The following MACO1 variants were observed in gnomAD, a reference collection of about 807,000 sequenced individuals.
MACO1 encodes macoilin 1.
In MACO1, 14 loss-of-function variants were observed where a neutral mutation model predicts 78.7. The observed-to-expected ratio is 0.18, with a 90% CI of 0.12 to 0.28. MACO1 has a LOEUF of 0.28. Ranked by LOEUF, MACO1 falls within the 10% of genes least tolerant of loss-of-function variation. The pLI is 1.00. For synonymous variants in MACO1, 288 were observed against 291.6 expected, an observed-to-expected ratio of 0.99 and a Z score of 0.12; for missense variants, 501 against 799.0, an observed-to-expected ratio of 0.63 and a Z score of 4.50.
chr1:25,443,696 T>G (rs1202981832), intron 1 of MACO1, among the ~76,000 whole-genome samples: 1 of 152,226 alleles, frequency 6.6e-6, no homozygotes, highest in Non-Finnish European at 1.5e-5. Flanking sequence ...CTTTGGATAA[T>G]CCTATCTAAA....
At chr1:25,482,789 C>G (rs1334887124) in intron 6 of MACO1, among the ~76,000 whole-genome samples, 1 of 152,128 alleles carries the variant, frequency 6.6e-6, no homozygotes, top group African/African-American at 2.4e-5. Flanking sequence ...AGTTCTTCAT[C>G]TGTAAAAATG....
chr1:25,461,215 G>C (rs2043167945), intron 6 of MACO1, among the ~76,000 whole-genome samples: 1 of 112,748 alleles, frequency 8.9e-6, no homozygotes, highest in Non-Finnish European at 1.7e-5. Flanking sequence ...CTGTTGTGGG[G>C]TGGGGGGAGG....
At chr1:25,443,798 G>A (rs2042992011) in intron 1 of MACO1, among the ~76,000 whole-genome samples, 1 of 152,144 alleles carries the variant, frequency 6.6e-6, no homozygotes, top group Non-Finnish European at 1.5e-5. Flanking sequence ...GAAAGCAATT[G>A]GTGGTACTCT....
At chr1:25,483,092 C>A (rs1001816560) in intron 6 of MACO1, among the ~76,000 whole-genome samples, 2 of 152,128 alleles carry the variant, frequency 1.3e-5, no homozygotes, top group African/African-American at 4.8e-5. Flanking sequence ...CTCTTGTCAC[C>A]CAGGCTGGAG....
chr1:25,486,028 C>T (rs1299496506), intron 8 of MACO1, among the ~76,000 whole-genome samples: 2 of 152,154 alleles, frequency 1.3e-5, no homozygotes, highest in African/African-American at 4.8e-5. Flanking sequence ...AGGGAATCAC[C>T]ATGTTTCCCA....
Position 25,431,082 on chromosome 1 carries a change from G to GGCCCCCCA in MACO1, c.-14_-7dup, listed in dbSNP as rs762490649. 1.3e-6 allele frequency: 2 copies of GGCCCCCCA among 1,572,184 alleles called. No homozygotes were observed. Among genetic ancestry groups the GGCCCCCCA allele is most frequent in the South Asian group, 1.2e-5 (1 of 86,868 alleles). ...GACGGCGGCGGCGGCGCGGGCACCCGGCCCCCCAGCGGGAGGATGAAGCGG... is the reference window on the plus strand; with the variant it reads ...GACGGCGGCGGCGGCGCGGGCACCCGGCCCCCCAGCCCCCCAGCGGGAGGATGAAGCGG... On this transcript the variant is annotated 5_prime_UTR_variant, in exon 1 of 11. Coordinates refer to ENST00000374343, the MANE Select transcript of MACO1 (RefSeq NM_018202.6).
chr1:25,498,271 C>G lies in MACO1; in HGVS notation c.1800C>G (p.Ile600Met), dbSNP rs1302545034. The G allele has an allele frequency of 1.2e-6, 2 of 1,614,018 alleles. No individual in the cohort carries two copies. The highest frequency in any genetic ancestry group is 2.7e-5 in the African/African-American group (2 of 74,926). Residue 600 changes from isoleucine (I) to methionine (M), a missense_variant, in exon 11 of 11, where the codon ATC becomes ATG. Physicochemically the swap from Ile to Met is conservative, Grantham distance 10. Transcript: ENST00000374343. ...KRQLEIAQGQ[I>M]LQKDQEIKDL... ...GGGTCTTTGATCTTACAGGACAAAT[C>G]CTTCAGAAAGATCAGGAAATCAAGG...
chr1:25,492,809 G>A (rs1366743543), intron 10 of MACO1, among the ~76,000 whole-genome samples: 1 of 152,130 alleles, frequency 6.6e-6, no homozygotes, highest in Non-Finnish European at 1.5e-5. Context: ...GTACTCTATA[G>A]AGTACTAAAT....
At chr1:25,434,489 G>A (rs1279147295) in intron 1 of MACO1, among the ~76,000 whole-genome samples, 2 of 152,306 alleles carry the variant, frequency 1.3e-5, no homozygotes, top group South Asian at 4.1e-4. Context: ...CTAGTAGGCC[G>A]TAGTAATACC....
intron 6 of MACO1, 32 bp from the exon 7 acceptor site, chr1:25,484,084 A>G (rs1257390100): frequency 6.3e-7 from 1 of 1,585,382 alleles, no homozygotes; most frequent in African/African-American, 1.4e-5. Flanking sequence ...GCCCTCACCT[A>G]GATGAAAATG....
intron 6 of MACO1, among the ~76,000 whole-genome samples, chr1:25,480,929 A>AAAAAAAATATATAT (rs1553166539): frequency 4.2e-5 from 2 of 47,904 alleles, no homozygotes; most frequent in Admixed American, 3.1e-4. Flanking sequence ...AAAAAAAAAA[A>AAAAAAAATATATAT]ATATATATAT....
intron 6 of MACO1, among the ~76,000 whole-genome samples, chr1:25,465,478 G>A (rs975441381): frequency 5.3e-5 from 8 of 152,240 alleles, no homozygotes; most frequent in Middle Eastern, 3.4e-3. Flanking sequence ...TATGGATTTC[G>A]GCCACCCTAA....
At chr1:25,495,946 G>A (rs71638386) in intron 10 of MACO1, among the ~76,000 whole-genome samples, 4 of 152,080 alleles carry the variant, frequency 2.6e-5, no homozygotes, top group Non-Finnish European at 4.4e-5. Flanking sequence ...TGGCGACAGA[G>A]CAAGACTCCA....
intron 1 of MACO1, among the ~76,000 whole-genome samples, chr1:25,441,448 G>C (rs2042971981): frequency 6.6e-6 from 1 of 152,186 alleles, no homozygotes. Flanking sequence ...GCCTCCCAAA[G>C]TGCTGGGATT....
intron 3 of MACO1, 91 bp downstream of exon 3, chr1:25,449,025 G>A: frequency 1.7e-6 from 2 of 1,195,534 alleles, no homozygotes; most frequent in Non-Finnish European, 2.2e-6. Flanking sequence ...TTAGAGTTGA[G>A]TTTAATGTGG....
At chr1:25,438,979 C>T (rs549675659) in intron 1 of MACO1, among the ~76,000 whole-genome samples, 2 of 151,336 alleles carry the variant, frequency 1.3e-5, no homozygotes, top group East Asian at 3.9e-4. Context: ...AAGAAAGAAA[C>T]ACATTTGTTT....
chr1:25,478,519 A>G (rs962819571), intron 6 of MACO1, among the ~76,000 whole-genome samples: 4 of 152,222 alleles, frequency 2.6e-5, no homozygotes, highest in African/African-American at 9.6e-5. Flanking sequence ...AGTAAGAGTG[A>G]TCCTTAAACT....
chr1:25,473,315 T>C (rs1024868860), intron 6 of MACO1, among the ~76,000 whole-genome samples: 2 of 152,186 alleles, frequency 1.3e-5, no homozygotes, highest in Non-Finnish European at 2.9e-5. Context: ...ACAGGGTTTT[T>C]TGTGGCTTGA....
At chr1:25,491,367 C>G in intron 9 of MACO1, 43 bp from the exon 10 acceptor site, 1 of 1,607,854 alleles carries the variant, frequency 6.2e-7, no homozygotes, top group Non-Finnish European at 8.5e-7. Context: ...GACATCGATG[C>G]CAAAACTACC....
Sources: allele counts gnomAD v4.1 joint callset (sites outside exome capture counted in the v4.1 genomes callset), GRCh38; gene constraint gnomAD v4.1.1; transcripts MANE v1.5; gene names NCBI Gene and HGNC (gene_info 2026-07-23, HGNC 2026-07-21).